The following RGL1 variants were observed in gnomAD, a reference collection of about 807,000 sequenced individuals.
RGL1 encodes the protein ral guanine nucleotide dissociation stimulator like 1.
Under a neutral mutation model 95.2 loss-of-function variants are expected in RGL1, and 24 were observed. That is an observed-to-expected ratio of 0.25 (90% CI 0.18 to 0.35). The LOEUF is 0.35. RGL1 is among the 10% of genes least tolerant of loss of function. RGL1 has a pLI of 1.00. For synonymous variants in RGL1, 329 were observed against 344.9 expected (o/e 0.95, Z 0.51); for missense variants, 715 against 936.3 (o/e 0.76, Z 3.08).
At chr1:183,782,445 G>C (rs891179329) in intron 2 of RGL1, among the ~76,000 whole-genome samples, 1 of 152,212 alleles carries the variant, frequency 6.6e-6, no homozygotes, top group Non-Finnish European at 1.5e-5. Flanking sequence ...TTTGAAGCGT[G>C]TTCAATCACA....
At chr1:183,878,596 G>A (rs1250132853) in intron 4 of RGL1, among the ~76,000 whole-genome samples, 4 of 152,192 alleles carry the variant, frequency 2.6e-5, no homozygotes, top group Non-Finnish European at 5.9e-5. Context: ...GGATTAGGAT[G>A]AAGGGAGAGA....
At chr1:183,819,784 C>CTTT (rs35090355) in intron 2 of RGL1, among the ~76,000 whole-genome samples, 1 of 142,710 alleles carries the variant, frequency 7.0e-6, no homozygotes, top group Non-Finnish European at 1.5e-5. Context: ...CAACATTATA[C>CTTT]TTTTTTTTTT....
rs397805638 is a variant in RGL1 at position 183,737,582 on chromosome 1, C to CAA, written c.-32-4528_-32-4527dup. 1.6e-3 allele frequency among the ~76,000 whole-genome samples: 185 copies of CAA among 118,564 alleles called. 2 individuals are homozygous for CAA. Among genetic ancestry groups the CAA allele is most frequent in the South Asian group, 6.4e-3 (24 of 3,750 alleles). The allele number at this position is 118,564 out of a possible 152,430, so 77.8% of individuals were successfully genotyped here. On this transcript the variant is annotated intron_variant, in intron 1 of 18. Coordinates refer to the RGL1 transcript ENST00000304685. ...GCAACATAGTGAGATTCTATCTCTA[C>CAA]AAAAAAAAAAAAAAAAATCTTTCCA...
intron 3 of RGL1, among the ~76,000 whole-genome samples, chr1:183,861,095 A>G (rs1039368382): frequency 6.6e-6 from 1 of 152,202 alleles, no homozygotes; most frequent in African/African-American, 2.4e-5. Context: ...TAGGAATAAA[A>G]ATAACTTCAC....
upstream of RGL1, among the ~76,000 whole-genome samples, chr1:183,803,660 A>G (rs1661112688): frequency 6.6e-6 from 1 of 152,204 alleles, no homozygotes; most frequent in Non-Finnish European, 1.5e-5. Context: ...GTTACTGCCA[A>G]ATGTGTAGCC....
At chr1:183,720,744 G>C (rs1409628681) in intron 1 of RGL1, among the ~76,000 whole-genome samples, 1 of 152,182 alleles carries the variant, frequency 6.6e-6, no homozygotes, top group Non-Finnish European at 1.5e-5. Context: ...CTACTACCAG[G>C]GTAAGAAGTA....
In RGL1 at chr1:183,884,033, G is replaced by A. The variant is rs754228042; in HGVS notation, c.735+123G>A. On this transcript the variant is annotated intron_variant, in intron 6 of 17. Transcript: ENST00000360851. ...AAGTCTTCTTGAATCCTTGAGACAG[G>A]CTGCGCCTGCAGATACAGAGTTAAG... The A allele has an allele frequency of 1.6e-4, 156 of 991,590 alleles. 1 individual carries two copies. Among genetic ancestry groups the A allele is most frequent in the South Asian group, 1.6e-3 (105 of 66,936 alleles). 61.4% of individuals were successfully genotyped at this position (991,590 alleles called of 1,614,324 possible).
At position 183,922,204 on chromosome 1, in the gene RGL1, T is replaced by C. The variant is rs756619179; in HGVS notation, c.2005-18T>C. ...CGTGAAGCTAAGTACTTTACAAACC[T>C]GTTCATTGTCTTTGCAGTTGACGAG... is the stretch of plus-strand genomic sequence containing the variant. On this transcript the variant is annotated intron_variant, in intron 16 of 17. Coordinates refer to ENST00000360851, the MANE Select transcript of RGL1 (RefSeq NM_001297671.3). The C allele has an allele frequency of 2.5e-6, 4 of 1,604,934 alleles. No homozygotes were observed. In the Admixed American group the frequency reaches 6.7e-5, roughly 27 times the overall value.
At chr1:183,748,230 G>T (rs182095587) in intron 2 of RGL1, among the ~76,000 whole-genome samples, 11 of 151,662 alleles carry the variant, frequency 7.3e-5, no homozygotes, top group Non-Finnish European at 1.6e-4. Context: ...GTCTTTATTA[G>T]TCTGGCTAGT....
At chr1:183,915,133 G>A (rs1294907052) in intron 15 of RGL1, among the ~76,000 whole-genome samples, 1 of 152,174 alleles carries the variant, frequency 6.6e-6, no homozygotes, top group African/African-American at 2.4e-5. Context: ...GTATAATTAT[G>A]CCACAGGAGG....
chr1:183,776,418 G>A (rs1659606332), intron 2 of RGL1, among the ~76,000 whole-genome samples: 1 of 152,000 alleles, frequency 6.6e-6, no homozygotes, highest in Non-Finnish European at 1.5e-5. Flanking sequence ...AAAGTGCTGG[G>A]ATTACAGGCG....
chr1:183,804,625 C>A (rs936195740), upstream of RGL1, among the ~76,000 whole-genome samples: 1 of 152,176 alleles, frequency 6.6e-6, no homozygotes, highest in African/African-American at 2.4e-5. Context: ...AAAAGCCCAG[C>A]GCGATTTCCT....
intron 1 of RGL1, among the ~76,000 whole-genome samples, chr1:183,663,444 C>CA (rs1171201748): frequency 6.7e-6 from 1 of 149,104 alleles, no homozygotes; most frequent in Non-Finnish European, 1.5e-5. Flanking sequence ...TTTATGCAGC[C>CA]AAAAAACACA....
Position 183,719,105 on chromosome 1 carries a change from C to T in RGL1, c.-32-23021C>T, listed in dbSNP as rs149761674. The stretch of plus-strand genomic sequence containing the variant: ...TATAGTGCTGATTGAACTCTATTAT[C>T]TTTCATATGGTTGCAGAGCAGGCTG... On this transcript the variant is annotated intron_variant, in intron 1 of 18. Coordinates refer to the RGL1 transcript ENST00000304685. 3.1e-3 allele frequency among the ~76,000 whole-genome samples: 469 copies of T among 152,284 alleles called. 4 individuals carry two copies. The highest frequency in any genetic ancestry group is 0.01 in the African/African-American group (426 of 41,562).
At chr1:183,701,936 C>T (rs186411410) in intron 1 of RGL1, among the ~76,000 whole-genome samples, 230 of 151,676 alleles carry the variant, frequency 1.5e-3, no homozygotes, top group African/African-American at 5.3e-3. Context: ...GACTCCATCT[C>T]GAAAAAAATA....
intron 1 of RGL1, among the ~76,000 whole-genome samples, chr1:183,693,529 T>A (rs1654080579): frequency 6.6e-6 from 1 of 151,522 alleles, no homozygotes; most frequent in African/African-American, 2.4e-5. Context: ...CTTACTCTCT[T>A]TCTTTCTTAA....
intron 1 of RGL1, chr1:183,648,758 G>A (rs1454582195): frequency 1.2e-6 from 2 of 1,609,550 alleles, no homozygotes; most frequent in East Asian, 4.5e-5. Context: ...GATTTGCTAG[G>A]TACTCCTCAT....
chr1:183,700,471 T>C (rs1654524585), intron 1 of RGL1, among the ~76,000 whole-genome samples: 1 of 151,780 alleles, frequency 6.6e-6, no homozygotes, highest in African/African-American at 2.4e-5. Flanking sequence ...CTGGGATACA[T>C]GTGCAGAATG....
chr1:183,707,899 G>T (rs946277278), intron 1 of RGL1, among the ~76,000 whole-genome samples: 1 of 152,174 alleles, frequency 6.6e-6, no homozygotes, highest in Admixed American at 6.5e-5. Flanking sequence ...GGAGGAAGGC[G>T]ATCTGGGTGG....
Sources: gnomAD v4.1 joint callset for allele counts (sites outside exome capture counted in the v4.1 genomes callset) on GRCh38, gnomAD v4.1.1 for gene constraint, MANE v1.5 for transcripts, NCBI Gene and HGNC (gene_info 2026-07-23, HGNC 2026-07-21) for gene names.